The following EHHADH variants were observed in gnomAD, a reference collection of about 807,000 sequenced individuals.
EHHADH encodes the protein peroxisomal bifunctional enzyme.
In EHHADH, 48 loss-of-function variants were observed where a neutral mutation model predicts 64.4. That is an observed-to-expected ratio of 0.75 (90% confidence interval 0.59 to 0.95). The LOEUF (loss-of-function observed/expected upper bound fraction) is 0.95, where lower values mean the gene tolerates loss of function less well. Among genes scored for constraint, EHHADH ranks in the 40% least tolerant of loss-of-function variants. The probability of loss-of-function intolerance (pLI) is 0.00; values close to 1 mark genes in which losing one functional copy is unlikely to be tolerated. For missense variants in EHHADH, 854 were observed against 876.6 expected (o/e 0.97, Z 0.33); for synonymous variants, 308 against 326.7 (o/e 0.94, Z 0.62).
intron 5 of EHHADH, among the ~76,000 whole-genome samples, chr3:185,214,228 C>A (rs1718625620): frequency 6.6e-6 from 1 of 152,180 alleles, no homozygotes; most frequent in African/African-American, 2.4e-5. Context: ...ACACATTACA[C>A]CCCAAAACCT....
At chr3:185,251,214 T>C (rs1179660100) in intron 1 of EHHADH, among the ~76,000 whole-genome samples, 1 of 152,200 alleles carries the variant, frequency 6.6e-6, no homozygotes, top group Non-Finnish European at 1.5e-5. Flanking sequence ...TCTTTCCTTT[T>C]TTTTTTAGAC....
chr3:185,248,195 T>C, intron 2 of EHHADH: 1 of 499,712 alleles, frequency 2.0e-6, no homozygotes, highest in East Asian at 3.2e-5. Context: ...GAACTAAATA[T>C]ACTCTAAAAG....
At chr3:185,251,096 T>G (rs2108654328) in intron 1 of EHHADH, among the ~76,000 whole-genome samples, 1 of 152,324 alleles carries the variant, frequency 6.6e-6, no homozygotes, top group East Asian at 1.9e-4. Context: ...AGTTATGAAA[T>G]TATTTTCTCC....
At position 185,235,482 on chromosome 3, in the gene EHHADH, G is replaced by A. The variant is rs1719266353; in HGVS notation, c.179-20C>T. On this transcript the variant is annotated intron_variant, in intron 2 of 6. Coordinates refer to ENST00000231887, the MANE Select transcript of EHHADH (RefSeq NM_001966.4). ...CAGCACCTAAGGGCACAAAGACAAG[G>A]AGAAAACAGAGTTGAGAAATACATG... is the stretch of plus-strand genomic sequence containing the variant. 2 of 1,584,696 alleles carry A rather than the reference G, an allele frequency of 1.3e-6. No homozygotes were observed. Among genetic ancestry groups the A allele is most frequent in the Non-Finnish European group, 1.7e-6 (2 of 1,165,438 alleles).
intron 2 of EHHADH, among the ~76,000 whole-genome samples, chr3:185,239,489 A>C (rs1376017367): frequency 6.6e-6 from 1 of 152,042 alleles, no homozygotes; most frequent in African/African-American, 2.4e-5. Context: ...CCTTGTAGAG[A>C]TCTTTCACCT....
Position 185,192,169 on chromosome 3 carries a change from G to T in EHHADH, c.*57C>A. On this transcript the variant is annotated 3_prime_UTR_variant, in exon 7 of 7. Transcript: ENST00000231887. ...TTTGGATTTTTGATTTAATTTCACT[G>T]AAATTCAGTCAGCATTACCTGATGC... 1 of 1,509,082 alleles carries T rather than the reference G, an allele frequency of 6.6e-7. No homozygotes were observed. Among genetic ancestry groups the T allele is most frequent in the Non-Finnish European group, 8.9e-7 (1 of 1,120,896 alleles). 93.5% of individuals were successfully genotyped at this position (1,509,082 alleles called of 1,614,324 possible).
At chr3:185,227,645 GA>G (rs1316885659) in intron 4 of EHHADH, among the ~76,000 whole-genome samples, 5 of 151,614 alleles carry the variant, frequency 3.3e-5, no homozygotes, top group African/African-American at 9.7e-5. Context: ...GACCAACATG[GA>G]GAAACCCTGT....
chr3:185,246,492 C>A, intron 2 of EHHADH: 1 of 338,430 alleles, frequency 3.0e-6, no homozygotes, highest in African/African-American at 2.2e-5. Flanking sequence ...ACAGGTCAGC[C>A]CCCAGGCCCC....
intron 1 of EHHADH, among the ~76,000 whole-genome samples, chr3:185,253,436 G>T (rs1719803331): frequency 1.0e-5 from 1 of 99,212 alleles, no homozygotes; most frequent in African/African-American, 3.8e-5. Flanking sequence ...GGGGGAGGGG[G>T]GAGGGATAGC....
At chr3:185,242,040 C>A (rs1424133422) in intron 2 of EHHADH, among the ~76,000 whole-genome samples, 1 of 152,006 alleles carries the variant, frequency 6.6e-6, no homozygotes, top group African/African-American at 2.4e-5. Context: ...CCAGCTGTGT[C>A]CAAGCAGAGA....
At chr3:185,253,777 G>GAAAAA (rs2108655695) in intron 1 of EHHADH, 172 bp downstream of exon 1, 1 of 1,175,594 alleles carries the variant, frequency 8.5e-7, no homozygotes, top group Non-Finnish European at 1.1e-6. Context: ...AAAAAAAAAA[G>GAAAAA]AAAAGAAAAA....
At chr3:185,238,368 T>C (rs963530065) in intron 2 of EHHADH, among the ~76,000 whole-genome samples, 2 of 152,208 alleles carry the variant, frequency 1.3e-5, no homozygotes, top group African/African-American at 4.8e-5. Flanking sequence ...TAATTTCCAT[T>C]CCAAATAACA....
Position 185,218,173 on chromosome 3 carries a change from C to T in EHHADH, c.531G>A (p.Pro177=), listed in dbSNP as rs148411037. The T allele has an allele frequency of 8.1e-6, 13 of 1,606,510 alleles. No individual in the cohort carries two copies. In the African/African-American group the frequency reaches 9.5e-5, roughly 12 times the overall value. The change falls in exon 5 of 7, where the codon CCG becomes CCA. Residue 177 remains proline, a synonymous_variant. Transcript: ENST00000231887. ...GILDKVVNSD[P]VEEAIRFAQR... is the part of the protein sequence containing the mutation. Reference sequence around the variant, plus strand: ...GAGCAAATCTGATTGCTTCTTCAACCGGGTCTGAGTTTACAACTTTATCTA... The same window carrying T: ...GAGCAAATCTGATTGCTTCTTCAACTGGGTCTGAGTTTACAACTTTATCTA...
At position 185,195,992 on chromosome 3, in the gene EHHADH, C is replaced by T. The variant is rs1718051040; in HGVS notation, c.911-2505G>A. ...TGGATCCAGAAAATTGTGTATATTA[C>T]CTGTACACAGAATGTATACACATCT... On this transcript the variant is annotated intron_variant, in intron 6 of 6. Coordinates refer to ENST00000231887, the MANE Select transcript of EHHADH (RefSeq NM_001966.4). 2.0e-5 allele frequency among the ~76,000 whole-genome samples: 3 copies of T among 152,274 alleles called. No individual in the cohort carries two copies. In the East Asian group the frequency reaches 5.8e-4, roughly 29 times the overall value.
intron 2 of EHHADH, among the ~76,000 whole-genome samples, chr3:185,247,561 TAATA>T (rs1560023041): frequency 6.6e-6 from 1 of 151,970 alleles, no homozygotes; most frequent in Non-Finnish European, 1.5e-5. Context: ...TATTATTATT[TAATA>T]AATAACCTAC....
intron 1 of EHHADH, chr3:185,253,085 G>A (rs1026823303): frequency 6.5e-6 from 1 of 153,626 alleles, no homozygotes; most frequent in Non-Finnish European, 1.5e-5. Context: ...TTCAGAAAAT[G>A]CTATTGCATA....
chr3:185,220,512 AGGTT>A (rs1397786865), intron 4 of EHHADH, among the ~76,000 whole-genome samples: 1 of 152,212 alleles, frequency 6.6e-6, no homozygotes, highest in South Asian at 2.1e-4. Context: ...TATACCATCT[AGGTT>A]TGTGTAAGTA....
chr3:185,224,331 C>A (rs1244966122), intron 4 of EHHADH, among the ~76,000 whole-genome samples: 1 of 151,534 alleles, frequency 6.6e-6, no homozygotes, highest in Non-Finnish European at 1.5e-5. Context: ...GAAACCTTGT[C>A]TCTACTAAAA....
rs190456484 is a variant in EHHADH at position 185,224,778 on chromosome 3, C to T, written c.463+4654G>A. ...TCTAGAAGCTGCTTACATTACTTGG[C>T]TTGTGACCTCTCCTGCCATCTTCAA... On this transcript the variant is annotated intron_variant, in intron 4 of 6. Transcript: ENST00000231887. Among the ~76,000 whole-genome samples the T allele has an allele frequency of 3.8e-3, 585 of 152,260 alleles. 7 individuals carry two copies. The highest frequency in any genetic ancestry group is 0.013 in the African/African-American group (537 of 41,560).
Sources: allele counts gnomAD v4.1 joint callset (sites outside exome capture counted in the v4.1 genomes callset), GRCh38; gene constraint gnomAD v4.1.1; transcripts MANE v1.5; gene names NCBI Gene and HGNC (gene_info 2026-07-23, HGNC 2026-07-21).